Variants in KSR1 observed in about 807,000 individuals in gnomAD.
The protein encoded by KSR1 is kinase suppressor of ras 1, also known as kinase suppressor of ras.
A neutral mutation model predicts 92.9 loss-of-function variants in KSR1; 35 were observed. That is an observed-to-expected ratio of 0.38 (90% CI 0.29 to 0.50). The LOEUF is 0.50. Among genes scored for constraint, KSR1 ranks in the 20% least tolerant of loss-of-function variants. KSR1 has a pLI of 0.94. For synonymous variants in KSR1, 467 were observed against 472.6 expected (o/e 0.99, Z 0.15); for missense variants, 972 against 1,158.5 (o/e 0.84, Z 2.34).
intron 1 of KSR1, among the ~76,000 whole-genome samples, chr17:27,519,714 G>T (rs2069944060): frequency 6.6e-6 from 1 of 152,232 alleles, no homozygotes; most frequent in Non-Finnish European, 1.5e-5. Flanking sequence ...CAAACAAAAA[G>T]CAAGGAGCTC....
At position 27,577,260 on chromosome 17, in the gene KSR1, A is replaced by G. The variant is rs1339232083; in HGVS notation, c.373-232A>G. On this transcript the variant is annotated intron_variant, in intron 2 of 20. Coordinates refer to ENST00000644974, the MANE Select transcript of KSR1 (RefSeq NM_001394583.1). The surrounding 1 kb of genome is among the most constrained non-coding windows in gnomAD (Gnocchi z 4.5). ...CCTCGTCCAAACCTTTCTGGTCTTT[A>G]CTTCCTCCCCTCACCCCCCACCGAG... 1.3e-5 allele frequency among the ~76,000 whole-genome samples: 2 copies of G among 151,764 alleles called. No individual in the cohort carries two copies. Among genetic ancestry groups the G allele is most frequent in the Non-Finnish European group, 2.9e-5 (2 of 67,916 alleles).
chr17:27,555,266 GTGT>G (rs1422033078), intron 2 of KSR1, among the ~76,000 whole-genome samples: 1 of 151,984 alleles, frequency 6.6e-6, no homozygotes, highest in African/African-American at 2.4e-5. Flanking sequence ...TCCTCTGGGG[GTGT>G]ATCTACACAG....
At chr17:27,552,294 G>A (rs1246129004) in intron 2 of KSR1, among the ~76,000 whole-genome samples, 1 of 152,168 alleles carries the variant, frequency 6.6e-6, no homozygotes, top group Non-Finnish European at 1.5e-5. Flanking sequence ...TTGCTGTTTG[G>A]GTTTGTTTGC....
In KSR1 at chr17:27,592,375, A is replaced by G. The variant is rs1037811628; in HGVS notation, c.1145A>G (p.Asn382Ser). Residue 382 changes from asparagine (N) to serine (S), a missense_variant, in exon 8 of 21, where the codon AAC becomes AGC. Physicochemically the swap from Asn to Ser is conservative, Grantham distance 46. This residue lies in a region of KSR1 where 611 missense variants were observed against 668.0 expected (regional missense o/e 0.91). Coordinates refer to ENST00000644974, the MANE Select transcript of KSR1 (RefSeq NM_001394583.1). Reference sequence around the variant, plus strand: ...TTCTTTACCAGGTTGAAGTGTCACAACAAATGTACCAAAGAAGCCCCTGCC... The same window carrying G: ...TTCTTTACCAGGTTGAAGTGTCACAGCAAATGTACCAAAGAAGCCCCTGCC... ...KCKHCRLKCH[N>S]KCTKEAPACR... 1.9e-6 allele frequency: 3 copies of G among 1,613,840 alleles called. No homozygotes were observed. The highest frequency in any genetic ancestry group is 2.7e-5 in the African/African-American group (2 of 74,914).
chr17:27,508,708 T>TA (rs60446971), intron 1 of KSR1, among the ~76,000 whole-genome samples: 67,627 of 140,984 alleles, frequency 0.48, 17,098 homozygotes, highest in East Asian at 0.66. Flanking sequence ...GCCTGAATTT[T>TA]TTTTATTTAT....
At chr17:27,594,445 G>A (rs866962275) in intron 9 of KSR1, among the ~76,000 whole-genome samples, 4 of 151,990 alleles carry the variant, frequency 2.6e-5, no homozygotes, top group Middle Eastern at 3.4e-3. Context: ...TGCCCATCAT[G>A]TTCAGTCCTG....
intron 1 of KSR1, among the ~76,000 whole-genome samples, chr17:27,519,012 G>T (rs1164333528): frequency 6.6e-6 from 1 of 152,214 alleles, no homozygotes; most frequent in African/African-American, 2.4e-5. Flanking sequence ...TAGAAGAGTG[G>T]CAGGGCTGCG....
At chr17:27,592,302 C>G (rs896153697) in intron 7 of KSR1, 59 bp from the exon 8 acceptor site, 2 of 1,390,698 alleles carry the variant, frequency 1.4e-6, no homozygotes, top group South Asian at 2.4e-5. Flanking sequence ...AGAGCTACCC[C>G]TGTGTGCCTG....
intron 1 of KSR1, among the ~76,000 whole-genome samples, chr17:27,525,997 C>CTTTT: frequency 1.4e-5 from 1 of 69,248 alleles, no homozygotes; most frequent in African/African-American, 7.6e-5. Flanking sequence ...ACTAACTTTT[C>CTTTT]TTTTCTTTTC....
intron 2 of KSR1, among the ~76,000 whole-genome samples, chr17:27,552,658 C>G (rs1261302141): frequency 6.6e-6 from 1 of 152,126 alleles, no homozygotes; most frequent in Non-Finnish European, 1.5e-5. Context: ...GCAAGTGACC[C>G]AAAGATTTCT....
Position 27,601,919 on chromosome 17 carries a change from T to C in KSR1, c.1510+518T>C, listed in dbSNP as rs777312918. On this transcript the variant is annotated intron_variant, in intron 11 of 20. Transcript: ENST00000644974. ...GCCATCTGCTGGCCATTGCTGGAAATGCCTCCTTATTGCAGAAAGTTTAAA... is the reference window on the plus strand; with the variant it reads ...GCCATCTGCTGGCCATTGCTGGAAACGCCTCCTTATTGCAGAAAGTTTAAA... 6.2e-7 allele frequency: 1 copy of C among 1,609,732 alleles called. No individual in the cohort carries two copies. The highest frequency in any genetic ancestry group is 1.7e-5 in the Admixed American group (1 of 59,506).
chr17:27,616,558 A>T (rs2074059891), intron 18 of KSR1, among the ~76,000 whole-genome samples: 1 of 151,918 alleles, frequency 6.6e-6, no homozygotes, highest in Non-Finnish European at 1.5e-5. Flanking sequence ...CTTATCTTTG[A>T]TCTCTCTCTG....
chr17:27,563,232 C>A (rs969045508), intron 2 of KSR1, among the ~76,000 whole-genome samples: 10 of 152,098 alleles, frequency 6.6e-5, no homozygotes, highest in Non-Finnish European at 1.0e-4. Context: ...ATGTTACTTT[C>A]TTACTTTCTC....
chr17:27,602,008 C>T (rs1466524926), intron 11 of KSR1: 2 of 1,310,816 alleles, frequency 1.5e-6, no homozygotes, highest in Non-Finnish European at 2.2e-6. Context: ...TCTACACTTA[C>T]TATGTACCAA....
chr17:27,509,032 G>A (rs534701258), intron 1 of KSR1, among the ~76,000 whole-genome samples: 3 of 152,004 alleles, frequency 2.0e-5, no homozygotes, highest in African/African-American at 7.2e-5. Context: ...TTCCCAGCCT[G>A]GGCCTGAAGT....
At chr17:27,524,818 G>A (rs752770140) in intron 1 of KSR1, among the ~76,000 whole-genome samples, 3 of 152,202 alleles carry the variant, frequency 2.0e-5, no homozygotes, top group Admixed American at 6.5e-5. Context: ...CAGGCAGAGC[G>A]GCAGGAAAAG....
intron 1 of KSR1, among the ~76,000 whole-genome samples, chr17:27,518,208 A>C (rs775935196): frequency 4.6e-5 from 7 of 152,040 alleles, no homozygotes; most frequent in Non-Finnish European, 7.4e-5. Flanking sequence ...TGTAGGGAGC[A>C]GGGCATTCTA....
rs2042784796 is a variant in KSR1 at position 27,541,736 on chromosome 17, A to G, written c.232-8832A>G. ...ACCACAGGATTCAAGAAAGTTACAA[A>G]GGCTGGTGCCTTGGTTTCTTCATTG... On this transcript the variant is annotated intron_variant, in intron 1 of 20. Coordinates refer to ENST00000644974, the MANE Select transcript of KSR1 (RefSeq NM_001394583.1). 2.0e-5 allele frequency among the ~76,000 whole-genome samples: 3 copies of G among 152,362 alleles called. No homozygotes were observed. In the South Asian group the frequency reaches 6.2e-4, roughly 32 times the overall value.
At chr17:27,526,674 T>TA (rs2070313416) in intron 1 of KSR1, 3 of 1,541,154 alleles carry the variant, frequency 1.9e-6, no homozygotes, top group East Asian at 2.2e-5. Context: ...ATGTAGTTTT[T>TA]ATTGGCTGTT....
Sources: allele counts gnomAD v4.1 joint callset (sites outside exome capture counted in the v4.1 genomes callset), GRCh38; gene constraint gnomAD v4.1.1; regional missense constraint gnomAD v4.1.1; non-coding constraint Gnocchi (gnomAD v3.1); transcripts MANE v1.5; gene names NCBI Gene and HGNC (gene_info 2026-07-23, HGNC 2026-07-21).